ST6GALNAC3: variants seen among roughly 807,000 people sequenced by gnomAD.
ST6GALNAC3 encodes the protein alpha-N-acetylgalactosaminide alpha-2,6-sialyltransferase 3.
A neutral mutation model predicts 32.7 loss-of-function variants in ST6GALNAC3; 25 were observed. That is an observed-to-expected ratio of 0.76 (90% CI 0.56 to 1.07). The LOEUF is 1.07. Among genes scored for constraint, ST6GALNAC3 ranks in the 50% least tolerant of loss-of-function variants. The pLI is 0.00. For synonymous variants in ST6GALNAC3, 129 were observed against 133.1 expected (o/e 0.97, Z 0.21); for missense variants, 355 against 382.4 (o/e 0.93, Z 0.60).
rs573053777 is a variant in ST6GALNAC3 at position 76,549,060 on chromosome 1, G to A, written c.624-78392G>A. On this transcript the variant is annotated intron_variant, in intron 3 of 4. Transcript: ENST00000328299. ...AACATCCTGGAAAAACAGGATTCTGGTTATCAAAATTTGATTTACACATAC... is the reference window on the plus strand; with the variant it reads ...AACATCCTGGAAAAACAGGATTCTGATTATCAAAATTTGATTTACACATAC... 7.9e-5 allele frequency among the ~76,000 whole-genome samples: 12 copies of A among 152,200 alleles called. No homozygotes were observed. In the South Asian group the frequency reaches 2.5e-3, roughly 32 times the overall value.
downstream of ST6GALNAC3, among the ~76,000 whole-genome samples, chr1:76,635,585 G>A (rs1649485100): frequency 6.6e-6 from 1 of 152,078 alleles, no homozygotes; most frequent in South Asian, 2.1e-4. Flanking sequence ...ACCTATCTGG[G>A]GAAGGCTAAT....
chr1:76,173,158 G>A (rs1464260453), intron 1 of ST6GALNAC3, among the ~76,000 whole-genome samples: 2 of 152,028 alleles, frequency 1.3e-5, no homozygotes, highest in Admixed American at 1.3e-4. Flanking sequence ...ATGGAGCAGA[G>A]TAGAGACCTC....
chr1:76,379,806 TGAAAAA>T (rs1651560127), intron 2 of ST6GALNAC3, among the ~76,000 whole-genome samples: 1 of 151,966 alleles, frequency 6.6e-6, no homozygotes, highest in Admixed American at 6.6e-5. Context: ...GGTGGAGTCA[TGAAAAA>T]GAATTAAGCA....
chr1:76,581,924 A>G (rs773674688), intron 3 of ST6GALNAC3, among the ~76,000 whole-genome samples: 1 of 152,134 alleles, frequency 6.6e-6, no homozygotes. Flanking sequence ...AACTTGCCCT[A>G]GGAGATATGT....
chr1:76,082,697 C>G (rs1019793794), intron 1 of ST6GALNAC3, among the ~76,000 whole-genome samples: 1 of 152,086 alleles, frequency 6.6e-6, no homozygotes, highest in East Asian at 1.9e-4. Flanking sequence ...AGGTGACATT[C>G]TTTGAGAAGC....
Position 76,220,157 on chromosome 1 carries a change from C to T in ST6GALNAC3, c.19-93648C>T, listed in dbSNP as rs573019522. The stretch of plus-strand genomic sequence containing the variant: ...ATTTCACAAGATCTCACCTAATATG[C>T]TGGTAAATTTCACCAGAAGTATGAA... On this transcript the variant is annotated intron_variant, in intron 1 of 4. Coordinates refer to ENST00000328299, the MANE Select transcript of ST6GALNAC3 (RefSeq NM_152996.4). Among the ~76,000 whole-genome samples, 14 of 152,260 alleles carry T rather than the reference C, an allele frequency of 9.2e-5. No homozygotes were observed. In the East Asian group the frequency reaches 2.7e-3, roughly 29 times the overall value.
At chr1:76,327,275 C>CGTGTGTGTGTGTGTGTGT (rs3079480) in intron 2 of ST6GALNAC3, among the ~76,000 whole-genome samples, 2 of 138,664 alleles carry the variant, frequency 1.4e-5, no homozygotes, top group African/African-American at 5.2e-5. Flanking sequence ...TGTATATATG[C>CGTGTGTGTGTGTGTGTGT]GTGTGTGTGT....
chr1:76,107,645 C>T (rs534952221), intron 1 of ST6GALNAC3, among the ~76,000 whole-genome samples: 29 of 152,216 alleles, frequency 1.9e-4, no homozygotes, highest in Admixed American at 1.5e-3. Context: ...GAGCTTTTTG[C>T]GATTGAGCCC....
intron 2 of ST6GALNAC3, among the ~76,000 whole-genome samples, chr1:76,315,335 C>G (rs924718968): frequency 1.3e-5 from 2 of 152,068 alleles, no homozygotes; most frequent in African/African-American, 4.8e-5. Context: ...TTCACAAGTG[C>G]CTGTCACAGG....
chr1:76,525,505 G>A (rs1008291936), intron 3 of ST6GALNAC3, among the ~76,000 whole-genome samples: 2 of 151,540 alleles, frequency 1.3e-5, no homozygotes, highest in African/African-American at 4.8e-5. Context: ...GTGAATCGAT[G>A]ATATAGATTA....
chr1:76,313,855 G>T lies in ST6GALNAC3; in HGVS notation c.69G>T (p.Leu23=). ...VSFIAAFLFL[L]VVRLVNEVNF... is the part of the protein sequence containing the mutation. ...TCATAGCAGCGTTCCTTTTCCTGCT[G>T]GTTGTGCGTCTTGTAAATGAAGTGA... The change falls in exon 2 of 5, where the codon CTG becomes CTT. Residue 23 remains leucine, a synonymous_variant. Transcript: ENST00000328299. 1 of 1,613,560 alleles carries T rather than the reference G, an allele frequency of 6.2e-7. No homozygotes were observed. The highest frequency in any genetic ancestry group is 8.5e-7 in the Non-Finnish European group (1 of 1,179,718).
chr1:76,492,144 CT>C (rs1005492881), intron 3 of ST6GALNAC3, among the ~76,000 whole-genome samples: 4 of 152,112 alleles, frequency 2.6e-5, no homozygotes, highest in African/African-American at 7.2e-5. Flanking sequence ...CACTCCATGT[CT>C]TCACTCTTTC....
At chr1:76,268,105 G>C (rs1436871155) in intron 1 of ST6GALNAC3, among the ~76,000 whole-genome samples, 2 of 152,186 alleles carry the variant, frequency 1.3e-5, no homozygotes, top group African/African-American at 4.8e-5. Context: ...CATTATTGAT[G>C]TGATGAGCTC....
intron 1 of ST6GALNAC3, among the ~76,000 whole-genome samples, chr1:76,134,127 C>G (rs938423865): frequency 6.6e-6 from 1 of 152,200 alleles, no homozygotes; most frequent in African/African-American, 2.4e-5. Flanking sequence ...CACCTGGCTT[C>G]TAAATTAGGG....
intron 1 of ST6GALNAC3, among the ~76,000 whole-genome samples, chr1:76,127,850 C>T (rs77297793): frequency 3.7e-4 from 56 of 152,192 alleles, no homozygotes; most frequent in African/African-American, 1.3e-3. Flanking sequence ...CTGTGCACAC[C>T]CTCCCATTGC....
chr1:76,261,548 C>A (rs1658237953), intron 1 of ST6GALNAC3, among the ~76,000 whole-genome samples: 1 of 152,216 alleles, frequency 6.6e-6, no homozygotes, highest in Non-Finnish European at 1.5e-5. Context: ...TCTGCACAAG[C>A]CATCTGGCCT....
intron 1 of ST6GALNAC3, among the ~76,000 whole-genome samples, chr1:76,163,182 C>G (rs547612071): frequency 6.6e-6 from 1 of 152,230 alleles, no homozygotes; most frequent in South Asian, 2.1e-4. Flanking sequence ...GTATTTTAGT[C>G]AGTGCTATAT....
chr1:76,155,646 T>G (rs1032167077), intron 1 of ST6GALNAC3, among the ~76,000 whole-genome samples: 2 of 151,598 alleles, frequency 1.3e-5, no homozygotes, highest in African/African-American at 4.9e-5. Context: ...TTTTTTTTTT[T>G]TTTAATATTT....
intron 2 of ST6GALNAC3, among the ~76,000 whole-genome samples, chr1:76,376,996 G>T (rs1376598082): frequency 6.6e-6 from 1 of 151,096 alleles, no homozygotes; most frequent in Non-Finnish European, 1.5e-5. Flanking sequence ...TTACCTTTTG[G>T]GCTACTTTGT....
Sources: gnomAD v4.1 joint callset for allele counts (sites outside exome capture counted in the v4.1 genomes callset) on GRCh38, gnomAD v4.1.1 for gene constraint, MANE v1.5 for transcripts, NCBI Gene and HGNC (gene_info 2026-07-23, HGNC 2026-07-21) for gene names.